Variants in ELF2 observed in about 807,000 individuals in gnomAD.
ELF2 encodes the protein E74 like ETS transcription factor 2.
A neutral mutation model predicts 54.8 loss-of-function variants in ELF2; 11 were observed. The ratio of observed to expected loss-of-function variants is 0.20; its 90% confidence interval spans 0.13 to 0.33. The LOEUF is 0.33. Among genes scored for constraint, ELF2 ranks in the 10% least tolerant of loss-of-function variants. The pLI is 1.00. For synonymous variants in ELF2, 203 were observed against 245.1 expected (o/e 0.83, Z 1.61); for missense variants, 513 against 703.0 (o/e 0.73, Z 3.06).
chr4:139,114,561 T>TCCAGTCTCTCACACACACACA (rs70940492), intron 4 of ELF2, among the ~76,000 whole-genome samples: 2 of 108,646 alleles, frequency 1.8e-5, no homozygotes, highest in Non-Finnish European at 3.5e-5. Context: ...GACTTCAGTC[T>TCCAGTCTCTCACACACACACA]CACACACACA....
intron 4 of ELF2, among the ~76,000 whole-genome samples, chr4:139,075,673 C>T (rs964470182): frequency 6.6e-6 from 1 of 152,168 alleles, no homozygotes; most frequent in African/African-American, 2.4e-5. Context: ...AGGTGATACA[C>T]CCGCCTCGGC....
intron 4 of ELF2, among the ~76,000 whole-genome samples, chr4:139,099,418 GCA>G (rs1733637837): frequency 6.6e-6 from 1 of 152,226 alleles, no homozygotes; most frequent in African/African-American, 2.4e-5. Context: ...ACTTTATGGA[GCA>G]CAGTGTGGAA....
rs762604510 is a variant in ELF2 at position 139,125,255 on chromosome 4, A to G, written c.147T>C (p.Tyr49=). ...CATCATAAACCAGAACCTGGGCTGCATAGCCCTGCTCTAATCTGGCACTTG... is the reference window on the plus strand; with the variant it reads ...CATCATAAACCAGAACCTGGGCTGCGTAGCCCTGCTCTAATCTGGCACTTG... ...PVPSARLEQG[Y]AAQVLVYDDE... is the part of the protein sequence containing the mutation. Residue 49 remains tyrosine, a synonymous_variant, in exon 4 of 10, where the codon TAT becomes TAC. Transcript: ENST00000686138. 6.2e-7 allele frequency: 1 copy of G among 1,614,016 alleles called. No individual in the cohort carries two copies. Among genetic ancestry groups the G allele is most frequent in the Non-Finnish European group, 8.5e-7 (1 of 1,179,958 alleles).
Position 139,092,833 on chromosome 4 carries a change from A to T in ELF2, c.239-19266T>A, listed in dbSNP as rs566496089. Among the ~76,000 whole-genome samples the T allele has an allele frequency of 1.7e-3, 260 of 151,978 alleles. 1 individual carries two copies. The highest frequency in any genetic ancestry group is 5.9e-3 in the African/African-American group (245 of 41,512). On this transcript the variant is annotated intron_variant, in intron 4 of 9. Transcript: ENST00000686138. ...TAAATAAATAAAAATAATAATAATT[A>T]AAAAATAGTATTATGAACAATTATA... is the stretch of plus-strand genomic sequence containing the variant.
chr4:139,122,228 G>A (rs1361541605), intron 4 of ELF2, among the ~76,000 whole-genome samples: 1 of 152,142 alleles, frequency 6.6e-6, no homozygotes, highest in Non-Finnish European at 1.5e-5. Context: ...ATTCTATACA[G>A]ATCTCAATTC....
intron 6 of ELF2, among the ~76,000 whole-genome samples, chr4:139,069,898 A>C (rs1018377236): frequency 6.6e-6 from 1 of 151,732 alleles, no homozygotes. Flanking sequence ...CCAGGCTGGA[A>C]TGCAGTGGCA....
intron 7 of ELF2, chr4:139,066,086 T>A (rs1424579613): frequency 3.3e-5 from 5 of 151,178 alleles, no homozygotes; most frequent in Admixed American, 6.6e-5. Flanking sequence ...CAATTTTTTT[T>A]AAACTAGACT....
chr4:139,162,829 G>C (rs1464179626), intron 1 of ELF2, among the ~76,000 whole-genome samples: 2 of 152,032 alleles, frequency 1.3e-5, no homozygotes, highest in Admixed American at 6.6e-5. Context: ...AGGCATAGTG[G>C]CTCACACCTG....
At position 139,132,231 on chromosome 4, in the gene ELF2, G is replaced by A. The variant is rs1336598894; in HGVS notation, c.72+5399C>T. Among the ~76,000 whole-genome samples the A allele has an allele frequency of 2.6e-5, 4 of 152,192 alleles. No individual in the cohort carries two copies. The South Asian group carries it at 8.3e-4, about 32-fold the overall frequency. On this transcript the variant is annotated intron_variant, in intron 3 of 9. Coordinates refer to ENST00000686138, the MANE Select transcript of ELF2 (RefSeq NM_001331036.3). The stretch of plus-strand genomic sequence containing the variant: ...AATAAAATAAATAAAGCCAGTAACA[G>A]GTAATTTGACAACTTTAAAAAGGAA...
intron 1 of ELF2, among the ~76,000 whole-genome samples, chr4:139,167,578 T>C (rs1741849568): frequency 6.6e-6 from 1 of 152,194 alleles, no homozygotes; most frequent in South Asian, 2.1e-4. Flanking sequence ...TATTAGACTG[T>C]AGCCCTGTAC....
intron 7 of ELF2, chr4:139,066,869 CAATA>C (rs1266252663): frequency 2.6e-5 from 4 of 152,166 alleles, no homozygotes; most frequent in Admixed American, 2.0e-4. Context: ...AAAAATAAGT[CAATA>C]AATAAGCAAA....
At chr4:139,115,334 G>A in intron 4 of ELF2, 2 of 1,450,674 alleles carry the variant, frequency 1.4e-6, no homozygotes, top group South Asian at 2.7e-5. Context: ...GGGGGCCGGG[G>A]TCGCCAACGC....
At position 139,059,519 on chromosome 4, in the gene ELF2, C is replaced by A; in HGVS notation, c.1246G>T (p.Gly416Cys). Residue 416 changes from glycine to cysteine, a missense_variant, in exon 10 of 10, where the codon GGT becomes TGT. Gly to Cys is a radical substitution (Grantham distance 159, BLOSUM62 -3). Around this residue, in one of 3 missense-constraint regions of ELF2, gnomAD observed 291 missense variants for 366.1 expected, o/e 0.79. Coordinates refer to ENST00000686138, the MANE Select transcript of ELF2 (RefSeq NM_001331036.3). ...CTAGTGCTGGTTATTAATGGTGCACCTGCATTAACTGACTGAACTGCCACA... is the reference window on the plus strand; with the variant it reads ...CTAGTGCTGGTTATTAATGGTGCACATGCATTAACTGACTGAACTGCCACA... ...STVAVQSVNA[G>C]APLITSTSPT... is the part of the protein sequence containing the mutation. 9 of 1,613,862 alleles carry A rather than the reference C, an allele frequency of 5.6e-6. No individual in the cohort carries two copies. The highest frequency in any genetic ancestry group is 7.6e-6 in the Non-Finnish European group (9 of 1,179,858).
intron 1 of ELF2, among the ~76,000 whole-genome samples, chr4:139,149,925 T>C (rs1739694886): frequency 1.3e-5 from 2 of 152,176 alleles, no homozygotes; most frequent in Non-Finnish European, 2.9e-5. Context: ...TCAGGCACAG[T>C]AGCTCACACC....
At chr4:139,077,993 A>G (rs1696523435) in intron 4 of ELF2, among the ~76,000 whole-genome samples, 1 of 152,196 alleles carries the variant, frequency 6.6e-6, no homozygotes. Context: ...GAACTGTTTT[A>G]CTTTTTATTA....
intron 4 of ELF2, among the ~76,000 whole-genome samples, chr4:139,076,005 C>T (rs1285769595): frequency 2.0e-5 from 3 of 152,060 alleles, no homozygotes; most frequent in Non-Finnish European, 2.9e-5. Flanking sequence ...TATACACTAA[C>T]GATATGAATC....
At chr4:139,166,673 C>G (rs1190279822) in intron 1 of ELF2, among the ~76,000 whole-genome samples, 1 of 152,074 alleles carries the variant, frequency 6.6e-6, no homozygotes, top group Admixed American at 6.5e-5. Context: ...TCGAGACCAT[C>G]CTGGCTAACA....
intron 3 of ELF2, among the ~76,000 whole-genome samples, chr4:139,134,924 C>T (rs1737972982): frequency 6.6e-6 from 1 of 151,826 alleles, no homozygotes; most frequent in African/African-American, 2.4e-5. Flanking sequence ...TATATGACTA[C>T]ATTTTATATA....
intron 8 of ELF2, 115 bp downstream of exon 8, chr4:139,061,750 A>C: frequency 1.6e-6 from 2 of 1,225,926 alleles, no homozygotes; most frequent in South Asian, 1.6e-5. Flanking sequence ...GCTCCTCTAG[A>C]ATATCCCCCA....
Sources: allele counts gnomAD v4.1 joint callset (sites outside exome capture counted in the v4.1 genomes callset), GRCh38; gene constraint gnomAD v4.1.1; regional missense constraint gnomAD v4.1.1; transcripts MANE v1.5; gene names NCBI Gene and HGNC (gene_info 2026-07-23, HGNC 2026-07-21).